GABPB2: variants seen among roughly 807,000 people sequenced by gnomAD.
The protein encoded by GABPB2 is GA-binding protein subunit beta-2.
Under a neutral mutation model 39.1 loss-of-function variants are expected in GABPB2, and 23 were observed. The ratio of observed to expected loss-of-function variants is 0.59; its 90% CI spans 0.42 to 0.83. The LOEUF (loss-of-function observed/expected upper bound fraction) is 0.83, where lower values mean the gene tolerates loss of function less well. Ranked by LOEUF, GABPB2 falls within the 40% of genes least tolerant of loss-of-function variation. GABPB2 has a pLI of 0.00. For missense variants in GABPB2, 467 were observed against 541.1 expected (o/e 0.86, Z 1.36); for synonymous variants, 184 against 199.3 (o/e 0.92, Z 0.65).
rs1681250841 is a variant in GABPB2, at chr1:151,123,456, A to G, written c.*5200A>G. The G allele has an allele frequency of 7.6e-6, 1 of 132,276 alleles. No individual in the cohort carries two copies. The highest frequency in any genetic ancestry group is 1.8e-5 in the Non-Finnish European group (1 of 56,118). 8.2% of individuals were successfully genotyped at this position (132,276 alleles called of 1,614,324 possible). On this transcript the variant is annotated 3_prime_UTR_variant, in exon 9 of 9. Coordinates refer to ENST00000368918, the MANE Select transcript of GABPB2 (RefSeq NM_144618.3). ...GGCAATAGAGCGAGACTCTGTCTCA[A>G]AAAAAAAAAAAAAAGAAGGAAAGAA... is the stretch of plus-strand genomic sequence containing the variant.
chr1:151,088,014 C>G (rs1435383655), intron 1 of GABPB2, 176 bp from the exon 2 acceptor site: 1 of 551,796 alleles, frequency 1.8e-6, no homozygotes, highest in Non-Finnish European at 3.3e-6. Flanking sequence ...TGAAACATTC[C>G]CAAATATTTT....
At chr1:151,080,159 G>A (rs1336018661) in intron 1 of GABPB2, among the ~76,000 whole-genome samples, 5 of 143,448 alleles carry the variant, frequency 3.5e-5, no homozygotes, top group Admixed American at 7.7e-5. Flanking sequence ...AGGTTGCGGT[G>A]AGCCAAGATC....
At chr1:151,097,200 C>T (rs1425712866) in intron 4 of GABPB2, among the ~76,000 whole-genome samples, 1 of 151,954 alleles carries the variant, frequency 6.6e-6, no homozygotes, top group Non-Finnish European at 1.5e-5. Context: ...GCATGAGCCA[C>T]CGTGCCTGGC....
chr1:151,081,064 G>A (rs891663986), intron 1 of GABPB2, among the ~76,000 whole-genome samples: 18 of 149,986 alleles, frequency 1.2e-4, no homozygotes, highest in African/African-American at 3.6e-4. Context: ...TAGTAGTGAC[G>A]GGGTTTCACC....
intron 4 of GABPB2, among the ~76,000 whole-genome samples, chr1:151,094,986 G>A (rs1020524694): frequency 6.8e-6 from 1 of 146,260 alleles, no homozygotes; most frequent in East Asian, 2.1e-4. Context: ...CTTGAGCCTG[G>A]GTGACACAGC....
chr1:151,073,662 C>T lies in GABPB2; in HGVS notation c.-1+2728C>T, dbSNP rs1248763072. 2.0e-5 allele frequency among the ~76,000 whole-genome samples: 3 copies of T among 152,066 alleles called. No homozygotes were observed. In the East Asian group the frequency reaches 5.8e-4, roughly 29 times the overall value. On this transcript the variant is annotated intron_variant, in intron 1 of 8. Coordinates refer to ENST00000368918, the MANE Select transcript of GABPB2 (RefSeq NM_144618.3). ...GGAAGGCCGGCGCGGTGGCTCATCC[C>T]CGTAATCCCAGCACTTTGGGAGGCT...
At chr1:151,082,072 T>C (rs1677753918) in intron 1 of GABPB2, among the ~76,000 whole-genome samples, 1 of 151,358 alleles carries the variant, frequency 6.6e-6, no homozygotes, top group Non-Finnish European at 1.5e-5. Context: ...GGTAATTTCT[T>C]TTTCTTTTTT....
intron 5 of GABPB2, among the ~76,000 whole-genome samples, chr1:151,100,077 T>C (rs1679394580): frequency 6.6e-6 from 1 of 152,078 alleles, no homozygotes; most frequent in Non-Finnish European, 1.5e-5. Flanking sequence ...AATTTATATA[T>C]ACATGTAATC....
Position 151,081,019 on chromosome 1 carries a change from C to T in GABPB2, c.1-7171C>T, listed in dbSNP as rs60308346. ...TCCCGAGTAGCTGGGACTACACGGG[C>T]CCACCACCACGCCCAGCTAATTTTT... On this transcript the variant is annotated intron_variant, in intron 1 of 8. Transcript: ENST00000368918. 4.4e-3 allele frequency among the ~76,000 whole-genome samples: 657 copies of T among 150,316 alleles called. 10 individuals are homozygous for T. Among genetic ancestry groups the T allele is most frequent in the African/African-American group, 0.015 (626 of 41,306 alleles).
intron 2 of GABPB2, 96 bp downstream of exon 2, chr1:151,088,393 C>A: frequency 8.0e-7 from 1 of 1,242,458 alleles, no homozygotes; most frequent in Non-Finnish European, 1.1e-6. Flanking sequence ...TTCTTCACTC[C>A]CTTTCTACCT....
intron 7 of GABPB2, among the ~76,000 whole-genome samples, chr1:151,109,279 C>T (rs1167904633): frequency 6.8e-6 from 1 of 147,044 alleles, no homozygotes; most frequent in Non-Finnish European, 1.5e-5. Context: ...TTTGACTTGG[C>T]TTAAATGATT....
rs1477664203 is a variant in GABPB2 at position 151,097,889 on chromosome 1, G to A, written c.509G>A (p.Arg170Lys). 1 of 1,614,118 alleles carries A rather than the reference G, an allele frequency of 6.2e-7. No individual in the cohort carries two copies. Among genetic ancestry groups the A allele is most frequent in the Non-Finnish European group, 8.5e-7 (1 of 1,179,996 alleles). Reference sequence around the variant, plus strand: ...AATCAGGTGAATGTTAATCCAGAGAGAGCCAACCCTGTGACTGACCCTGTG... The same window carrying A: ...AATCAGGTGAATGTTAATCCAGAGAAAGCCAACCCTGTGACTGACCCTGTG... ...MQNQVNVNPE[R>K]ANPVTDPVSM... The change falls in exon 5 of 9, where the codon AGA becomes AAA. Residue 170 changes from arginine to lysine, a missense_variant. Arg to Lys is a conservative substitution (Grantham distance 26). Coordinates refer to ENST00000368918, the MANE Select transcript of GABPB2 (RefSeq NM_144618.3).
intron 5 of GABPB2, among the ~76,000 whole-genome samples, chr1:151,102,709 G>A (rs138915169): frequency 8.8e-4 from 134 of 152,014 alleles, no homozygotes; most frequent in African/African-American, 3.0e-3. Flanking sequence ...CCCAAAGTGC[G>A]AGGATTACAG....
chr1:151,093,256 G>T lies in GABPB2; in HGVS notation c.341G>T (p.Arg114Leu), dbSNP rs143714520. The change falls in exon 4 of 9, where the codon CGC (arginine) becomes CTC (leucine). Residue 114 changes from arginine (R) to leucine (L), a missense_variant. Physicochemically the swap from Arg to Leu is moderately radical, Grantham distance 102. Transcript: ENST00000368918. ...ACAGCTTTGCATTGGGCCACAGAGCGCCACCATCGAGATGTCGTAGAGTTA... is the reference window on the plus strand; with the variant it reads ...ACAGCTTTGCATTGGGCCACAGAGCTCCACCATCGAGATGTCGTAGAGTTA... ...KMTALHWATE[R>L]HHRDVVELLI... is the part of the protein sequence containing the mutation. 2.5e-6 allele frequency: 4 copies of T among 1,611,398 alleles called. No homozygotes were observed. Among genetic ancestry groups the T allele is most frequent in the South Asian group, 1.1e-5 (1 of 90,434 alleles).
intron 4 of GABPB2, among the ~76,000 whole-genome samples, chr1:151,096,424 TAAAA>T (rs1224451335): frequency 7.3e-5 from 11 of 151,406 alleles, no homozygotes; most frequent in Middle Eastern, 3.4e-3. Flanking sequence ...CAAAAAAAAA[TAAAA>T]AGAGAGAGAG....
chr1:151,071,153 G>C (rs192663118), intron 1 of GABPB2, among the ~76,000 whole-genome samples: 6 of 152,238 alleles, frequency 3.9e-5, no homozygotes, highest in Admixed American at 6.5e-5. Context: ...GGTGAAGAAG[G>C]GGGTGGGTGT....
At chr1:151,074,328 C>G (rs1343239366) in intron 1 of GABPB2, among the ~76,000 whole-genome samples, 9 of 87,688 alleles carry the variant, frequency 1.0e-4, no homozygotes, top group African/African-American at 3.5e-4. Flanking sequence ...TTTTTTTTTT[C>G]CAGACGGAGT....
At chr1:151,109,393 T>C (rs932907157) in intron 7 of GABPB2, among the ~76,000 whole-genome samples, 10 of 147,132 alleles carry the variant, frequency 6.8e-5, no homozygotes, top group Admixed American at 5.5e-4. Flanking sequence ...AATCTTGCTC[T>C]GTCACTCCAG....
intron 6 of GABPB2, among the ~76,000 whole-genome samples, chr1:151,103,969 G>A (rs1469768838): frequency 6.6e-6 from 1 of 152,142 alleles, no homozygotes; most frequent in Non-Finnish European, 1.5e-5. Flanking sequence ...CATATTAGCA[G>A]ATTTTTTTGG....
Sources: allele counts gnomAD v4.1 joint callset (sites outside exome capture counted in the v4.1 genomes callset), GRCh38; gene constraint gnomAD v4.1.1; transcripts MANE v1.5; gene names NCBI Gene and HGNC (gene_info 2026-07-23, HGNC 2026-07-21).